Variants in GPR39 observed in about 807,000 individuals in gnomAD.
GPR39 encodes G protein-coupled receptor 39.
Under a neutral mutation model 18.4 loss-of-function variants are expected in GPR39, and 23 were observed. The observed-to-expected ratio is 1.25, with a 90% confidence interval of 0.90 to 1.77. The LOEUF (loss-of-function observed/expected upper bound fraction) is 1.77. Ranked by LOEUF, GPR39 falls within the 40% of genes most tolerant of loss-of-function variation. GPR39 has a pLI of 0.00. For synonymous variants in GPR39, 280 were observed against 257.9 expected (o/e 1.09, Z -0.82); for missense variants, 647 against 602.4 (o/e 1.07, Z -0.78).
At chr2:132,616,886 C>T (rs1016554192) in intron 1 of GPR39, among the ~76,000 whole-genome samples, 1 of 152,224 alleles carries the variant, frequency 6.6e-6, no homozygotes, top group Non-Finnish European at 1.5e-5. Context: ...TCTCTCAATG[C>T]CCCGCTCCCG....
intron 1 of GPR39, among the ~76,000 whole-genome samples, chr2:132,594,744 T>C (rs969621829): frequency 2.6e-5 from 4 of 151,954 alleles, no homozygotes; most frequent in African/African-American, 7.3e-5. Context: ...GAAAGGTGGC[T>C]TCTGGGGTCA....
intron 1 of GPR39, among the ~76,000 whole-genome samples, chr2:132,542,787 C>T (rs141322879): frequency 4.9e-4 from 74 of 152,010 alleles, no homozygotes; most frequent in African/African-American, 1.7e-3. Flanking sequence ...GGTTCTTCAA[C>T]ATCCATTCTC....
At chr2:132,518,003 A>G (rs771777835) in intron 1 of GPR39, among the ~76,000 whole-genome samples, 21 of 152,200 alleles carry the variant, frequency 1.4e-4, no homozygotes, top group Non-Finnish European at 2.2e-4. Context: ...TCATTGCACT[A>G]TAAATGTATT....
chr2:132,516,818 A>G (rs906285907), intron 1 of GPR39, among the ~76,000 whole-genome samples: 2 of 152,120 alleles, frequency 1.3e-5, no homozygotes, highest in Non-Finnish European at 2.9e-5. Flanking sequence ...GCATTTGGGG[A>G]ATGTTTGTGG....
At chr2:132,505,277 AAT>A (rs1679114054) in intron 1 of GPR39, among the ~76,000 whole-genome samples, 1 of 152,162 alleles carries the variant, frequency 6.6e-6, no homozygotes, top group Admixed American at 6.5e-5. Flanking sequence ...ATTAATACAT[AAT>A]ATGTGTACAT....
At chr2:132,427,920 T>TTTAA (rs1372697171) in intron 1 of GPR39, among the ~76,000 whole-genome samples, 4 of 146,484 alleles carry the variant, frequency 2.7e-5, no homozygotes, top group South Asian at 4.2e-4. Flanking sequence ...TATATTTAAA[T>TTTAA]ATATATATTA....
chr2:132,490,751 A>G (rs764716), intron 1 of GPR39, among the ~76,000 whole-genome samples: 82,806 of 150,642 alleles, frequency 0.55, 24,039 homozygotes, highest in Non-Finnish European at 0.65. Context: ...CAAGGGACTG[A>G]GTGGGTTTGC....
intron 1 of GPR39, among the ~76,000 whole-genome samples, chr2:132,425,333 T>A (rs552436108): frequency 1.3e-5 from 2 of 152,280 alleles, no homozygotes; most frequent in Admixed American, 1.3e-4. Flanking sequence ...CCCTTCACTG[T>A]TGTACATCTT....
intron 1 of GPR39, among the ~76,000 whole-genome samples, chr2:132,635,997 A>T (rs1232691170): frequency 6.6e-6 from 1 of 152,176 alleles, no homozygotes; most frequent in Non-Finnish European, 1.5e-5. Context: ...CTCTGGAACT[A>T]GGAGGAATAA....
Position 132,469,875 on chromosome 2 carries a change from C to T in GPR39, c.856+51977C>T, listed in dbSNP as rs530802963. Among the ~76,000 whole-genome samples the T allele has an allele frequency of 7.2e-5, 11 of 152,240 alleles. No individual in the cohort carries two copies. The South Asian group carries it at 1.5e-3, about 20-fold the overall frequency. On this transcript the variant is annotated intron_variant, in intron 1 of 1. Coordinates refer to ENST00000329321, the MANE Select transcript of GPR39 (RefSeq NM_001508.3). ...CCTCCCCAGAGGAGGCTGCTGTGCCCGAAGTTCTGTGCATGAGGAAAACAC... is the reference window on the plus strand; with the variant it reads ...CCTCCCCAGAGGAGGCTGCTGTGCCTGAAGTTCTGTGCATGAGGAAAACAC...
rs191914200 is a variant in GPR39 at position 132,525,830 on chromosome 2, G to C, written c.856+107932G>C. Among the ~76,000 whole-genome samples the C allele has an allele frequency of 1.7e-3, 255 of 152,324 alleles. No homozygotes were observed. In the South Asian group the frequency reaches 0.017, roughly 10 times the overall value. The stretch of plus-strand genomic sequence containing the variant: ...CCTTCATGTTGTTTATTCATTGCCT[G>C]AGCAGCAGCTAGATGGGGAGAGCTG... On this transcript the variant is annotated intron_variant, in intron 1 of 1. Transcript: ENST00000329321.
intron 1 of GPR39, among the ~76,000 whole-genome samples, chr2:132,564,810 CTTTTT>C (rs948881403): frequency 9.4e-5 from 9 of 95,456 alleles, no homozygotes; most frequent in Admixed American, 1.4e-4. Context: ...TTTCTTTTTT[CTTTTT>C]TTTTTTTTTT....
At chr2:132,619,372 C>T (rs1027580986) in intron 1 of GPR39, among the ~76,000 whole-genome samples, 3 of 152,126 alleles carry the variant, frequency 2.0e-5, no homozygotes, top group Non-Finnish European at 2.9e-5. Flanking sequence ...GGTTTGCCCA[C>T]CGAGCGTGTC....
chr2:132,596,065 C>T (rs1680940180), intron 1 of GPR39, among the ~76,000 whole-genome samples: 1 of 152,152 alleles, frequency 6.6e-6, no homozygotes, highest in South Asian at 2.1e-4. Flanking sequence ...TCCAAGCTGG[C>T]CTGCACCCCA....
At chr2:132,597,836 C>T (rs4468867) in intron 1 of GPR39, among the ~76,000 whole-genome samples, 33,206 of 152,142 alleles carry the variant, frequency 0.22, 3,902 homozygotes, top group African/African-American at 0.28. Context: ...ACCCACTAGG[C>T]AGAAATTCAA....
chr2:132,417,138 C>G lies in GPR39; in HGVS notation c.96C>G (p.Thr32=), dbSNP rs763378931. 1 of 1,614,114 alleles carries G rather than the reference C, an allele frequency of 6.2e-7. No homozygotes were observed. The highest frequency in any genetic ancestry group is 8.5e-7 in the Non-Finnish European group (1 of 1,180,032). Residue 32 remains threonine (T), a synonymous_variant, in exon 1 of 2, where the codon ACC becomes ACG. Coordinates refer to ENST00000329321, the MANE Select transcript of GPR39 (RefSeq NM_001508.3). ...AGGTGGCCACCTGGATCAAAATCAC[C>G]CTTATTCTGGTGTACCTGATCATCT... The part of the protein sequence containing the change: ...EFEVATWIKI[T]LILVYLIIFV...
intron 1 of GPR39, among the ~76,000 whole-genome samples, chr2:132,608,587 C>T (rs1316485908): frequency 6.6e-6 from 1 of 152,232 alleles, no homozygotes; most frequent in East Asian, 1.9e-4. Flanking sequence ...ATGCTGGCCA[C>T]TGCTAAGCAG....
rs149760406 is a variant in GPR39 at position 132,482,207 on chromosome 2, T to C, written c.856+64309T>C. On this transcript the variant is annotated intron_variant, in intron 1 of 1. Coordinates refer to ENST00000329321, the MANE Select transcript of GPR39 (RefSeq NM_001508.3). ...GACCTTAGTATTTGACTTGTTTCTT[T>C]TTCTCTGTGTCATGGGAATTCACTT... 1.6e-3 allele frequency among the ~76,000 whole-genome samples: 247 copies of C among 152,338 alleles called. 2 individuals are homozygous for C. Among genetic ancestry groups the C allele is most frequent in the Middle Eastern group, 6.8e-3 (2 of 294 alleles).
chr2:132,623,824 C>T (rs988288314), intron 1 of GPR39, among the ~76,000 whole-genome samples: 4 of 152,122 alleles, frequency 2.6e-5, no homozygotes, highest in African/African-American at 9.7e-5. Flanking sequence ...GGGAAGGTGG[C>T]TCACTCCTTT....
Sources: gnomAD v4.1 joint callset for allele counts (sites outside exome capture counted in the v4.1 genomes callset) on GRCh38, gnomAD v4.1.1 for gene constraint, MANE v1.5 for transcripts, NCBI Gene and HGNC (gene_info 2026-07-23, HGNC 2026-07-21) for gene names.